The following SOS1 variants were observed in gnomAD, a reference collection of about 807,000 sequenced individuals.
The protein encoded by SOS1 is son of sevenless homolog 1.
A neutral mutation model predicts 157.6 loss-of-function variants in SOS1; 25 were observed. The ratio of observed to expected loss-of-function variants is 0.16; its 90% CI spans 0.12 to 0.22. The LOEUF (loss-of-function observed/expected upper bound fraction) is 0.22, where lower values mean the gene tolerates loss of function less well. SOS1 is among the 10% of genes least tolerant of loss of function. SOS1 has a pLI of 1.00. For synonymous variants in SOS1, 528 were observed against 534.0 expected, an observed-to-expected ratio of 0.99 and a Z score of 0.16; for missense variants, 1,237 against 1,599.1, an observed-to-expected ratio of 0.77 and a Z score of 3.86.
At chr2:39,072,406 G>GT (rs1367872149) in intron 1 of SOS1, among the ~76,000 whole-genome samples, 1 of 152,186 alleles carries the variant, frequency 6.6e-6, no homozygotes, top group African/African-American at 2.4e-5. Flanking sequence ...AGGTGTGATG[G>GT]TAAGACTAGA....
At position 39,067,845 on chromosome 2, in the gene SOS1, A is replaced by G. The variant is rs558517443; in HGVS notation, c.88-92T>C. On this transcript the variant is annotated intron_variant, in intron 1 of 22. Transcript: ENST00000402219. ...AAAAAATGTGGGTTTGTGGCCGGGC[A>G]CGGTGGCTCATGCCTGTAATGCCAG... 47 of 1,142,452 alleles carry G rather than the reference A, an allele frequency of 4.1e-5. 2 individuals are homozygous for G. The South Asian group carries it at 5.8e-4, about 14-fold the overall frequency. 70.8% of individuals were successfully genotyped at this position (1,142,452 alleles called of 1,614,324 possible).
chr2:39,054,381 G>A (rs1441648305), intron 5 of SOS1, among the ~76,000 whole-genome samples: 1 of 152,160 alleles, frequency 6.6e-6, no homozygotes, highest in African/African-American at 2.4e-5. Flanking sequence ...AGTACATGGA[G>A]AATTCTGTGA....
Position 39,110,039 on chromosome 2 carries a change from CGTGTGTGTGTGTGT to C in SOS1, c.87+10283_87+10296del, listed in dbSNP as rs779110307. 6.6e-4 allele frequency among the ~76,000 whole-genome samples: 90 copies of C among 135,514 alleles called. 1 individual carries two copies. Among genetic ancestry groups the C allele is most frequent in the Admixed American group, 3.8e-3 (51 of 13,526 alleles). The allele number at this position is 135,514 out of a possible 152,430, so 88.9% of individuals were successfully genotyped here. ...ATACAGATACAGTTGTGTGTGTGTG[CGTGTGTGTGTGTGT>C]GTGTGTGTGTGTGTGTGTGTGTGTG... On this transcript the variant is annotated intron_variant, in intron 1 of 22. Transcript: ENST00000402219.
intron 8 of SOS1, among the ~76,000 whole-genome samples, chr2:39,029,894 C>T (rs1040471040): frequency 6.6e-6 from 1 of 152,002 alleles, no homozygotes; most frequent in African/African-American, 2.4e-5. Flanking sequence ...CCACCAGACT[C>T]GGTGGCTTAC....
At chr2:39,001,491 T>G (rs1454225) in intron 17 of SOS1, among the ~76,000 whole-genome samples, 142,894 of 152,304 alleles carry the variant, frequency 0.94, 67,135 homozygotes, top group African/African-American at 0.96. Context: ...GCCCTACTTT[T>G]ATTCTTTAAA....
At position 39,013,530 on chromosome 2, in the gene SOS1, G is replaced by T. The variant is rs765074047; in HGVS notation, c.2097C>A (p.His699Gln). The T allele has an allele frequency of 1.9e-6, 3 of 1,611,612 alleles. No individual in the cohort carries two copies. Among genetic ancestry groups the T allele is most frequent in the Non-Finnish European group, 2.5e-6 (3 of 1,178,252 alleles). Residue 699 changes from histidine (H) to glutamine (Q), a missense_variant, in exon 13 of 23, where the codon CAC (histidine) becomes CAA (glutamine). His to Gln is a conservative substitution (Grantham distance 24, BLOSUM62 0). This residue lies in a region of SOS1 where 42 missense variants were observed against 80.4 expected (regional missense o/e 0.52). Transcript: ENST00000402219. ...VLNVCRHWVE[H>Q]HFYDFERDAY... is the part of the protein sequence containing the mutation. ...CATCTCTTTCAAAATCATAGAAGTG[G>T]TGCTCTACCCAGTGCCGACATACAT...
chr2:39,055,177 G>A (rs1011634508), intron 4 of SOS1, among the ~76,000 whole-genome samples: 18 of 151,942 alleles, frequency 1.2e-4, no homozygotes, highest in African/African-American at 3.4e-4. Context: ...CATGGCCTCA[G>A]TATCTCATAT....
chr2:39,045,024 T>G (rs1406260311), intron 6 of SOS1, among the ~76,000 whole-genome samples: 1 of 152,208 alleles, frequency 6.6e-6, no homozygotes, highest in Non-Finnish European at 1.5e-5. Context: ...CTATCTAATA[T>G]AATGTACGTT....
chr2:39,036,468 A>T (rs950390588), intron 6 of SOS1, among the ~76,000 whole-genome samples: 12 of 150,876 alleles, frequency 8.0e-5, no homozygotes, highest in African/African-American at 2.9e-4. Context: ...CTCCCACCTC[A>T]GTCTCCTGAG....
chr2:39,045,144 T>G (rs1209159665), intron 6 of SOS1, among the ~76,000 whole-genome samples: 3 of 152,082 alleles, frequency 2.0e-5, no homozygotes, highest in Admixed American at 2.0e-4. Flanking sequence ...ATGCTTATTT[T>G]TCCCCAAAAA....
Position 38,995,137 on chromosome 2 carries a change from C to CTCG in SOS1, c.3329_3331dup (p.Ser1110_Ser1111insThr). 1 of 1,613,926 alleles carries CTCG rather than the reference C, an allele frequency of 6.2e-7. No homozygotes were observed. Among genetic ancestry groups the CTCG allele is most frequent in the Non-Finnish European group, 8.5e-7 (1 of 1,179,892 alleles). On this transcript the variant is annotated inframe_insertion, in exon 20 of 23. Coordinates refer to ENST00000402219, the MANE Select transcript of SOS1 (RefSeq NM_005633.4). ...TTTGCACCTACTTGAGTGAAAAGGG[C>CTCG]TCGAATGATCGGAATCAAATACACT...
rs1445336158 is a variant in SOS1 at position 38,984,095 on chromosome 2, A to T, written c.*1729T>A. On this transcript the variant is annotated 3_prime_UTR_variant, in exon 23 of 23. Transcript: ENST00000402219. Reference sequence around the variant, plus strand: ...CTAATAAATATCATAGGAAATTATTAAAGTACTAGGTTCCCACCATGTTGC... The same window carrying T: ...CTAATAAATATCATAGGAAATTATTTAAGTACTAGGTTCCCACCATGTTGC... 1 of 152,166 alleles carries T rather than the reference A, an allele frequency of 6.6e-6. No individual in the cohort carries two copies. Among genetic ancestry groups the T allele is most frequent in the East Asian group, 1.9e-4 (1 of 5,184 alleles). The allele number at this position is 152,166 out of a possible 1,614,324, so 9.4% of individuals were successfully genotyped here. A position where few individuals can be genotyped will look rare whatever the true frequency, so the allele number is the denominator to read the frequency against.
chr2:39,060,928 G>C (rs550442210), intron 2 of SOS1, among the ~76,000 whole-genome samples: 1 of 148,002 alleles, frequency 6.8e-6, no homozygotes, highest in South Asian at 2.1e-4. Flanking sequence ...AGAGTTACAT[G>C]TCTTTGAAAA....
intron 11 of SOS1, 70 bp from the exon 12 acceptor site, chr2:39,014,059 C>A: frequency 1.7e-6 from 2 of 1,189,454 alleles, no homozygotes; most frequent in African/African-American, 1.5e-5. Context: ...AAACCACAAA[C>A]GTTTTCACCA....
intron 3 of SOS1, 150 bp downstream of exon 3, chr2:39,058,523 C>A: frequency 1.3e-6 from 1 of 756,048 alleles, no homozygotes; most frequent in Non-Finnish European, 2.2e-6. Flanking sequence ...CATAGCATCC[C>A]TTCTCACCAC....
At chr2:39,001,795 G>C (rs1242276064) in intron 17 of SOS1, among the ~76,000 whole-genome samples, 2 of 152,170 alleles carry the variant, frequency 1.3e-5, no homozygotes, top group East Asian at 3.8e-4. Context: ...AAACTGACCA[G>C]GGTCAGTTGT....
chr2:39,093,823 T>C (rs891939093), intron 1 of SOS1, among the ~76,000 whole-genome samples: 3 of 152,214 alleles, frequency 2.0e-5, no homozygotes, highest in African/African-American at 4.8e-5. Context: ...AAAGGATACA[T>C]TGCTACTTTT....
At chr2:39,045,682 A>G (rs1413053547) in intron 6 of SOS1, among the ~76,000 whole-genome samples, 5 of 152,134 alleles carry the variant, frequency 3.3e-5, no homozygotes, top group Admixed American at 3.3e-4. Flanking sequence ...AATCTTTTAT[A>G]AGCTGCATAA....
chr2:39,005,610 T>G (rs1669259079), intron 17 of SOS1, among the ~76,000 whole-genome samples: 1 of 152,066 alleles, frequency 6.6e-6, no homozygotes, highest in Non-Finnish European at 1.5e-5. Context: ...ACAAAAATGG[T>G]TGCTATAAAG....
Sources: gnomAD v4.1 joint callset for allele counts (sites outside exome capture counted in the v4.1 genomes callset) on GRCh38, gnomAD v4.1.1 for gene constraint, gnomAD v4.1.1 regional missense constraint, MANE v1.5 for transcripts, NCBI Gene and HGNC (gene_info 2026-07-23, HGNC 2026-07-21) for gene names.